Variants in CDH10 observed in about 807,000 individuals in gnomAD.
CDH10 encodes cadherin 10.
A neutral mutation model predicts 73.1 loss-of-function variants in CDH10; 30 were observed. That is an observed-to-expected ratio of 0.41 (90% CI 0.31 to 0.56). CDH10 has a LOEUF of 0.56. Ranked by LOEUF, CDH10 falls within the 20% of genes least tolerant of loss-of-function variation. The pLI is 0.27. For synonymous variants in CDH10, 345 were observed against 348.2 expected, an observed-to-expected ratio of 0.99 and a Z score of 0.10; for missense variants, 815 against 973.7, an observed-to-expected ratio of 0.84 and a Z score of 2.17.
intron 2 of CDH10, among the ~76,000 whole-genome samples, chr5:24,583,601 T>C (rs777958961): frequency 3.9e-5 from 6 of 152,160 alleles, no homozygotes; most frequent in Non-Finnish European, 8.8e-5. Context: ...AATATAACTG[T>C]TTTGATGTGG....
chr5:24,609,981 C>CGGAGTA (rs1484246234), intron 1 of CDH10: 3 of 152,204 alleles, frequency 2.0e-5, no homozygotes, highest in Non-Finnish European at 4.4e-5. Flanking sequence ...AGCCAAGGTA[C>CGGAGTA]GGAGTAGAAG....
At chr5:24,575,337 G>C (rs1475498398) in intron 2 of CDH10, among the ~76,000 whole-genome samples, 2 of 137,788 alleles carry the variant, frequency 1.5e-5, no homozygotes, top group Non-Finnish European at 3.1e-5. Flanking sequence ...ACTCCAGCCT[G>C]GGCAACAACA....
intron 2 of CDH10, among the ~76,000 whole-genome samples, chr5:24,581,032 C>A (rs1745779197): frequency 6.6e-6 from 1 of 152,160 alleles, no homozygotes; most frequent in Admixed American, 6.5e-5. Context: ...AATTTGATCA[C>A]ATTTGCATAG....
At chr5:24,498,962 G>A (rs796875170) in intron 8 of CDH10, among the ~76,000 whole-genome samples, 3 of 151,876 alleles carry the variant, frequency 2.0e-5, no homozygotes, top group African/African-American at 7.3e-5. Context: ...GATTTATTGC[G>A]AAGAGCAAAA....
At chr5:24,550,940 C>A (rs192378535) in intron 2 of CDH10, among the ~76,000 whole-genome samples, 1 of 152,078 alleles carries the variant, frequency 6.6e-6, no homozygotes, top group Non-Finnish European at 1.5e-5. Flanking sequence ...GCTTCTTTTT[C>A]GGTCATTCTA....
At chr5:24,590,739 T>C (rs747060144) in intron 2 of CDH10, among the ~76,000 whole-genome samples, 1 of 152,082 alleles carries the variant, frequency 6.6e-6, no homozygotes, top group Non-Finnish European at 1.5e-5. Context: ...AGGTGCTTTT[T>C]AGTCTTGTCC....
At chr5:24,593,751 T>C (rs1028529872) in intron 1 of CDH10, 138 bp from the exon 2 acceptor site, 2 of 431,882 alleles carry the variant, frequency 4.6e-6, no homozygotes, top group Non-Finnish European at 8.2e-6. Flanking sequence ...CAATAACGGA[T>C]AGCTTTGAGA....
At chr5:24,589,046 T>A (rs1746115084) in intron 2 of CDH10, among the ~76,000 whole-genome samples, 1 of 152,182 alleles carries the variant, frequency 6.6e-6, no homozygotes, top group Non-Finnish European at 1.5e-5. Flanking sequence ...AAGGGCCCCA[T>A]AACTTGCTGT....
intron 8 of CDH10, among the ~76,000 whole-genome samples, chr5:24,503,455 C>T (rs1310753646): frequency 1.3e-5 from 2 of 152,278 alleles, no homozygotes; most frequent in Non-Finnish European, 1.5e-5. Flanking sequence ...GGGCCTTACC[C>T]TTAAAAGAGA....
intron 5 of CDH10, among the ~76,000 whole-genome samples, chr5:24,518,059 A>G (rs10078755): frequency 0.022 from 3,335 of 152,292 alleles, 130 homozygotes; most frequent in African/African-American, 0.074. Context: ...GGTATCCACA[A>G]TGGATTGGGA....
intron 5 of CDH10, among the ~76,000 whole-genome samples, chr5:24,514,148 A>C (rs752527807): frequency 6.6e-6 from 1 of 152,170 alleles, no homozygotes; most frequent in South Asian, 2.1e-4. Flanking sequence ...CTAGTCTACT[A>C]GCTCCTATGC....
intron 5 of CDH10, among the ~76,000 whole-genome samples, chr5:24,527,689 T>C (rs1743583925): frequency 6.6e-6 from 1 of 151,790 alleles, no homozygotes. Flanking sequence ...CAGTAAAAAA[T>C]AAGTATTGGT....
At chr5:24,581,978 C>G (rs907961745) in intron 2 of CDH10, among the ~76,000 whole-genome samples, 1 of 152,098 alleles carries the variant, frequency 6.6e-6, no homozygotes, top group African/African-American at 2.4e-5. Context: ...ATGTTGACAT[C>G]AAATAACAGG....
At chr5:24,516,452 A>T (rs6885158) in intron 5 of CDH10, among the ~76,000 whole-genome samples, 1 of 151,442 alleles carries the variant, frequency 6.6e-6, no homozygotes, top group Non-Finnish European at 1.5e-5. Flanking sequence ...AATTAATACC[A>T]CCATTTACTA....
intron 9 of CDH10, among the ~76,000 whole-genome samples, chr5:24,496,658 T>G (rs1742299678): frequency 6.6e-6 from 1 of 151,928 alleles, no homozygotes; most frequent in Non-Finnish European, 1.5e-5. Flanking sequence ...TTCAGAGGAG[T>G]GTTGGGTGGA....
intron 1 of CDH10, among the ~76,000 whole-genome samples, chr5:24,606,825 C>T (rs140681666): frequency 3.4e-4 from 51 of 152,102 alleles, no homozygotes; most frequent in Non-Finnish European, 5.7e-4. Context: ...TATGCAGCAT[C>T]CAGAAAAAAG....
intron 1 of CDH10, among the ~76,000 whole-genome samples, chr5:24,638,374 G>A (rs1247189276): frequency 2.0e-5 from 3 of 151,468 alleles, no homozygotes; most frequent in Non-Finnish European, 4.4e-5. Context: ...AAGAAGGGGG[G>A]GAAGTCACTT....
At chr5:24,531,429 C>G (rs554902260) in intron 5 of CDH10, among the ~76,000 whole-genome samples, 11 of 152,128 alleles carry the variant, frequency 7.2e-5, no homozygotes, top group East Asian at 3.9e-4. Context: ...CTGTATTAGT[C>G]TATTCTCATG....
chr5:24,576,935 G>T (rs761834498), intron 2 of CDH10, among the ~76,000 whole-genome samples: 120 of 151,538 alleles, frequency 7.9e-4, no homozygotes, highest in Non-Finnish European at 1.4e-3. Flanking sequence ...GATGTGCTGA[G>T]AATGGCATTT....
Sources: allele counts gnomAD v4.1 joint callset (sites outside exome capture counted in the v4.1 genomes callset), GRCh38; gene constraint gnomAD v4.1.1; transcripts MANE v1.5; gene names NCBI Gene and HGNC (gene_info 2026-07-23, HGNC 2026-07-21).